TNR: variants seen among roughly 807,000 people sequenced by gnomAD.
TNR encodes tenascin-R.
In TNR, 45 loss-of-function variants were observed where a neutral mutation model predicts 150.4. That is an observed-to-expected ratio of 0.30 (90% confidence interval 0.24 to 0.38). The LOEUF (loss-of-function observed/expected upper bound fraction) is 0.38. Among genes scored for constraint, TNR ranks in the 10% least tolerant of loss-of-function variants. The probability of loss-of-function intolerance (pLI) is 1.00; values close to 1 mark genes in which losing one functional copy is unlikely to be tolerated. For synonymous variants in TNR, 687 were observed against 678.4 expected (o/e 1.01, Z -0.20); for missense variants, 1,544 against 1,759.1 (o/e 0.88, Z 2.19).
intron 1 of TNR, among the ~76,000 whole-genome samples, chr1:175,698,648 C>T (rs1191288222): frequency 6.6e-6 from 1 of 152,006 alleles, no homozygotes; most frequent in East Asian, 1.9e-4. Flanking sequence ...TGAGACCAGC[C>T]TGGCCAACAT....
At chr1:175,330,039 A>T (rs1571295535) in intron 21 of TNR, 35 bp downstream of exon 21, 1 of 1,485,984 alleles carries the variant, frequency 6.7e-7, no homozygotes, top group South Asian at 1.4e-5. Context: ...TCCCATGCCC[A>T]CTGTCCTTGG....
At chr1:175,482,299 G>GA (rs1050743363) in intron 2 of TNR, among the ~76,000 whole-genome samples, 2 of 152,146 alleles carry the variant, frequency 1.3e-5, no homozygotes, top group Non-Finnish European at 2.9e-5. Context: ...ACAGGAAAGT[G>GA]AAAAAAATGA....
chr1:175,340,276 G>C (rs191669328), intron 18 of TNR, among the ~76,000 whole-genome samples: 3 of 152,202 alleles, frequency 2.0e-5, no homozygotes, highest in African/African-American at 7.2e-5. Context: ...ATCGTTGCTG[G>C]GTGCGCTTGC....
intron 2 of TNR, among the ~76,000 whole-genome samples, chr1:175,408,267 G>A (rs1331563352): frequency 1.3e-5 from 2 of 152,224 alleles, no homozygotes; most frequent in Non-Finnish European, 2.9e-5. Flanking sequence ...AAGTGGATAA[G>A]TAGATCCCTG....
chr1:175,723,522 T>C (rs1408250917), intron 1 of TNR, among the ~76,000 whole-genome samples: 1 of 152,210 alleles, frequency 6.6e-6, no homozygotes, highest in Non-Finnish European at 1.5e-5. Context: ...ACATGGATAT[T>C]AACTAAGTAG....
intron 1 of TNR, among the ~76,000 whole-genome samples, chr1:175,535,535 A>G (rs1173245262): frequency 2.0e-5 from 3 of 151,660 alleles, no homozygotes; most frequent in Non-Finnish European, 2.9e-5. Context: ...ATCTCGGCTC[A>G]CTGCAAGCTC....
chr1:175,624,307 C>T (rs960082982), intron 1 of TNR, among the ~76,000 whole-genome samples: 2 of 152,182 alleles, frequency 1.3e-5, no homozygotes, highest in Non-Finnish European at 2.9e-5. Flanking sequence ...TGTCCCTTCC[C>T]TCCATCCCCC....
chr1:175,435,627 AAAG>A (rs1328228755), intron 2 of TNR, among the ~76,000 whole-genome samples: 8 of 152,190 alleles, frequency 5.3e-5, no homozygotes, highest in Non-Finnish European at 8.8e-5. Context: ...TAGGAGGAGA[AAAG>A]AAGGATTCCA....
At chr1:175,371,770 C>A (rs1385283908) in intron 9 of TNR, among the ~76,000 whole-genome samples, 1 of 152,292 alleles carries the variant, frequency 6.6e-6, no homozygotes, top group African/African-American at 2.4e-5. Flanking sequence ...AAAACTGATA[C>A]ATGATACAAC....
chr1:175,661,322 A>G (rs1195327031), intron 1 of TNR, among the ~76,000 whole-genome samples: 3 of 152,204 alleles, frequency 2.0e-5, no homozygotes, highest in African/African-American at 7.2e-5. Flanking sequence ...ACCTGTCTGA[A>G]TTCTTAACCC....
intron 1 of TNR, among the ~76,000 whole-genome samples, chr1:175,605,939 G>T (rs890745668): frequency 5.3e-5 from 8 of 152,190 alleles, no homozygotes; most frequent in African/African-American, 1.2e-4. Context: ...TGGCGAGAGA[G>T]ATTTAGTGTT....
intron 1 of TNR, among the ~76,000 whole-genome samples, chr1:175,690,693 C>A (rs1032500742): frequency 6.6e-6 from 1 of 152,204 alleles, no homozygotes; most frequent in Non-Finnish European, 1.5e-5. Context: ...GATAACAAGT[C>A]ACTGGACTTG....
intron 1 of TNR, among the ~76,000 whole-genome samples, chr1:175,711,816 A>T (rs1453834855): frequency 3.9e-5 from 6 of 152,134 alleles, no homozygotes; most frequent in Non-Finnish European, 8.8e-5. Context: ...GGAGGAAGGG[A>T]TTGTTATCTG....
At chr1:175,680,763 C>A (rs1347584141) in intron 1 of TNR, among the ~76,000 whole-genome samples, 1 of 152,146 alleles carries the variant, frequency 6.6e-6, no homozygotes. Flanking sequence ...CACGTGGGGT[C>A]TGAGTGTAAG....
At chr1:175,650,898 CT>C (rs1310154073) in intron 1 of TNR, among the ~76,000 whole-genome samples, 2 of 32,438 alleles carry the variant, frequency 6.2e-5, no homozygotes, top group African/African-American at 1.6e-4. Flanking sequence ...ATTACTACCC[CT>C]CTCCCACCTC....
intron 18 of TNR, among the ~76,000 whole-genome samples, chr1:175,350,751 T>C (rs558496057): frequency 1.7e-4 from 26 of 152,372 alleles, no homozygotes; most frequent in South Asian, 1.4e-3. Flanking sequence ...TTTTTAGTTT[T>C]ATTATTACTT....
At chr1:175,363,633 C>T in intron 13 of TNR, 75 bp downstream of exon 13, 1 of 1,537,606 alleles carries the variant, frequency 6.5e-7, no homozygotes, top group Non-Finnish European at 8.8e-7. Context: ...AGTGGATGTT[C>T]TGCGGGATAT....
chr1:175,688,375 G>A (rs1432442692), intron 1 of TNR, among the ~76,000 whole-genome samples: 2 of 152,222 alleles, frequency 1.3e-5, no homozygotes, highest in East Asian at 3.9e-4. Flanking sequence ...CTAAATAACT[G>A]TGATGAGGCT....
At chr1:175,338,170 G>A (rs1650338650) in intron 18 of TNR, among the ~76,000 whole-genome samples, 1 of 152,202 alleles carries the variant, frequency 6.6e-6, no homozygotes, top group Non-Finnish European at 1.5e-5. Context: ...CATCTTTACA[G>A]TAGCCATTAA....
Sources: allele counts gnomAD v4.1 joint callset (sites outside exome capture counted in the v4.1 genomes callset), GRCh38; gene constraint gnomAD v4.1.1; transcripts MANE v1.5; gene names NCBI Gene and HGNC (gene_info 2026-07-23, HGNC 2026-07-21).